Variants in TVP23C observed in about 807,000 individuals in gnomAD.
TVP23C encodes trans-golgi network vesicle protein 23 homolog C.
A neutral mutation model predicts 28.7 loss-of-function variants in TVP23C; 19 were observed. The observed-to-expected ratio is 0.66, with a 90% CI of 0.46 to 0.97. The LOEUF is 0.97. TVP23C is among the 50% of genes least tolerant of loss of function. The probability of loss-of-function intolerance (pLI) is 0.00; values close to 1 mark genes in which losing one functional copy is unlikely to be tolerated. For synonymous variants in TVP23C, 68 were observed against 81.7 expected (o/e 0.83, Z 0.90); for missense variants, 186 against 241.3 (o/e 0.77, Z 1.52).
rs144812158 is a variant in TVP23C, at chr17:15,503,054, TA to T, written c.640del (p.Tyr214ThrfsTer70). ...ACTAAGGCGGGGCGCAGGTTTCCAG[TA>T]AAGAGCTCGATCCGTGATCCTCGTG... On this transcript the variant is annotated frameshift_variant, in exon 6 of 6. Coordinates refer to the TVP23C transcript ENST00000225576. LOFTEE classifies it low-confidence loss of function (END_TRUNC). The T allele has an allele frequency of 2.4e-3, 3,941 of 1,614,070 alleles. 65 individuals are homozygous for T. The African/African-American group carries it at 0.045, about 18-fold the overall frequency.
chr17:15,533,831 C>T (rs2654270), downstream of TVP23C, among the ~76,000 whole-genome samples: 2 of 152,150 alleles, frequency 1.3e-5, no homozygotes, highest in Admixed American at 6.5e-5. Flanking sequence ...TGAGTGTAAA[C>T]ATTGAAATTT....
chr17:15,540,690 T>C (rs1983374788), intron 5 of TVP23C, 129 bp from the exon 6 acceptor site: 2 of 609,722 alleles, frequency 3.3e-6, no homozygotes. Flanking sequence ...GCCATGATTG[T>C]GCCAGTTGAG....
chr17:15,559,313 T>TAAAAAAAAAAA (rs56346847), intron 1 of TVP23C, among the ~76,000 whole-genome samples: 10 of 105,178 alleles, frequency 9.5e-5, no homozygotes, highest in Non-Finnish European at 1.8e-4. Context: ...GGTACAGATT[T>TAAAAAAAAAAA]AAAAAAAAAA....
At chr17:15,505,837 C>T (rs12451284) in intron 5 of TVP23C, among the ~76,000 whole-genome samples, 27,702 of 152,206 alleles carry the variant, frequency 0.18, 2,672 homozygotes, top group Middle Eastern at 0.24. Flanking sequence ...CCCGGGCCAG[C>T]GGCTGCGTAC....
At chr17:15,559,566 T>C (rs1159773002) in intron 1 of TVP23C, among the ~76,000 whole-genome samples, 1 of 148,286 alleles carries the variant, frequency 6.7e-6, no homozygotes, top group Non-Finnish European at 1.5e-5. Flanking sequence ...CTGGCTACTG[T>C]AGTAAAAATC....
At position 15,547,708 on chromosome 17, in the gene TVP23C, G is replaced by C. The variant is rs574436077; in HGVS notation, c.241-560C>G. ...CTAACAGATACCAACTCCTTCCTCA[G>C]GGAAAGAGGTGAAGAGAGGCAGACA... On this transcript the variant is annotated intron_variant, in intron 3 of 5. Coordinates refer to ENST00000518321, the MANE Select transcript of TVP23C (RefSeq NM_001135036.2). Among the ~76,000 whole-genome samples, 12 of 152,190 alleles carry C rather than the reference G, an allele frequency of 7.9e-5. No individual in the cohort carries two copies. The East Asian group carries it at 2.3e-3, about 29-fold the overall frequency.
chr17:15,511,108 T>TG (rs1981985978), intron 5 of TVP23C, among the ~76,000 whole-genome samples: 1 of 149,250 alleles, frequency 6.7e-6, no homozygotes, highest in African/African-American at 2.5e-5. Flanking sequence ...CCACAGGTCA[T>TG]GGGACCTTAG....
chr17:15,539,094 C>T lies in TVP23C; in HGVS notation c.*1318G>A, dbSNP rs1983288520. 1.0e-6 allele frequency: 1 copy of T among 980,026 alleles called. No homozygotes were observed. The highest frequency in any genetic ancestry group is 1.8e-5 in the African/African-American group (1 of 57,078). The allele number at this position is 980,026 out of a possible 1,614,324, so 60.7% of individuals were successfully genotyped here. ...GCTTTAGTTATCTAAAATGTAATCC[C>T]TGGACCAGTGCCCTCAGTACCACCC... On this transcript the variant is annotated 3_prime_UTR_variant, in exon 6 of 6. Transcript: ENST00000518321.
chr17:15,502,924 G>A (rs1377808908), exon 6 of TVP23C: 6 of 1,612,878 alleles, frequency 3.7e-6, no homozygotes, highest in Non-Finnish European at 5.1e-6. Context: ...CTCTGCTATT[G>A]GGACTCTCCC....
rs748715146 is a variant in TVP23C, at chr17:15,547,050, G to T, written c.330+9C>A. 12 of 1,567,838 alleles carry T rather than the reference G, an allele frequency of 7.7e-6. No homozygotes were observed. Among genetic ancestry groups the T allele is most frequent in the South Asian group, 1.2e-5 (1 of 83,784 alleles). On this transcript the variant is annotated intron_variant, in intron 4 of 5. Coordinates refer to ENST00000518321, the MANE Select transcript of TVP23C (RefSeq NM_001135036.2). ...GATAACATTATTTAAAACAAAAAAG[G>T]CACTTTACCTTTCTAGATTCAAACA...
rs1018471929 is a variant in TVP23C at position 15,538,497 on chromosome 17, G to A, written c.*1915C>T. On this transcript the variant is annotated 3_prime_UTR_variant, in exon 6 of 6. Coordinates refer to ENST00000518321, the MANE Select transcript of TVP23C (RefSeq NM_001135036.2). ...CCCAGCTACTCGGGAGGCTGAGGCAGAAGAATAGTATGAACCCGGGAGGTG... is the reference window on the plus strand; with the variant it reads ...CCCAGCTACTCGGGAGGCTGAGGCAAAAGAATAGTATGAACCCGGGAGGTG... 4 of 762,650 alleles carry A rather than the reference G, an allele frequency of 5.2e-6. No individual in the cohort carries two copies. Among genetic ancestry groups the A allele is most frequent in the African/African-American group, 1.9e-5 (1 of 52,838 alleles). The allele number at this position is 762,650 out of a possible 1,614,324, so 47.2% of individuals were successfully genotyped here. A position where few individuals can be genotyped will look rare whatever the true frequency, so the allele number is the denominator to read the frequency against.
intron 5 of TVP23C, among the ~76,000 whole-genome samples, chr17:15,516,012 G>A (rs1468707069): frequency 6.6e-6 from 1 of 152,122 alleles, no homozygotes; most frequent in Non-Finnish European, 1.5e-5. Context: ...TCCTTCTCCT[G>A]CCAGGTAAGA....
chr17:15,532,866 T>C (rs1363769131), downstream of TVP23C, among the ~76,000 whole-genome samples: 1 of 152,222 alleles, frequency 6.6e-6, no homozygotes, highest in Non-Finnish European at 1.5e-5. Flanking sequence ...TTACCAACCA[T>C]GATAGACCAT....
At position 15,503,153 on chromosome 17, in the gene TVP23C, G is replaced by C. The variant is rs140682517; in HGVS notation, c.542C>G (p.Ala181Gly). ...GCAGCGGCTCACGCCTGTTATCCCA[G>C]CGCTTTGGAAGGCGGAAGCGGGAGG... Residue 181 changes from alanine (A) to glycine (G), a missense_variant, in exon 6 of 6, where the codon GCT (alanine) becomes GGT (glycine). Ala to Gly is a moderately conservative substitution (Grantham distance 60). Transcript: ENST00000225576. The C allele has an allele frequency of 1.9e-6, 3 of 1,601,932 alleles. No individual in the cohort carries two copies. In the Admixed American group the frequency reaches 5.2e-5, roughly 28 times the overall value.
At chr17:15,556,894 T>C (rs1173821512) in intron 1 of TVP23C, among the ~76,000 whole-genome samples, 5 of 151,730 alleles carry the variant, frequency 3.3e-5, no homozygotes, top group African/African-American at 1.2e-4. Flanking sequence ...GGATAAAATT[T>C]AACTCCTTCA....
At position 15,560,800 on chromosome 17, in the gene TVP23C, C is replaced by T. The variant is rs1217261277; in HGVS notation, c.12+2637G>A. Among the ~76,000 whole-genome samples, 7 of 149,674 alleles carry T rather than the reference C, an allele frequency of 4.7e-5. 1 individual carries two copies. The highest frequency in any genetic ancestry group is 1.5e-5 in the Non-Finnish European group (1 of 66,880). On this transcript the variant is annotated intron_variant, in intron 1 of 5. Transcript: ENST00000518321. ...CGATCTCCTGACCTCGTGATCCACC[C>T]GCCTCGGCCTCCCAAAGTGCTGGGA...
intron 3 of TVP23C, among the ~76,000 whole-genome samples, chr17:15,552,067 A>T (rs1465736341): frequency 6.6e-6 from 1 of 152,230 alleles, no homozygotes; most frequent in Non-Finnish European, 1.5e-5. Context: ...AACTATTTTG[A>T]TCGCATTTTT....
intron 1 of TVP23C, among the ~76,000 whole-genome samples, chr17:15,561,580 C>A (rs1228536725): frequency 6.6e-6 from 1 of 151,498 alleles, no homozygotes; most frequent in East Asian, 1.9e-4. Flanking sequence ...GCCTGGGCAA[C>A]AAGAGTGAAA....
chr17:15,549,378 AAAG>A (rs1338595363), intron 3 of TVP23C, among the ~76,000 whole-genome samples: 5 of 152,234 alleles, frequency 3.3e-5, no homozygotes, highest in African/African-American at 7.2e-5. Context: ...GGGAACACTC[AAAG>A]AAGAAGAGCT....
Sources: allele counts gnomAD v4.1 joint callset (sites outside exome capture counted in the v4.1 genomes callset), GRCh38; gene constraint gnomAD v4.1.1; transcripts MANE v1.5; gene names NCBI Gene and HGNC (gene_info 2026-07-23, HGNC 2026-07-21).